GK5: variants seen among roughly 807,000 people sequenced by gnomAD.
GK5 encodes the protein ATP:glycerol 3-phosphotransferase 5.
Under a neutral mutation model 77.3 loss-of-function variants are expected in GK5, and 39 were observed. The observed-to-expected ratio is 0.50, with a 90% CI of 0.39 to 0.66. GK5 has a LOEUF of 0.66. GK5 is among the 30% of genes least tolerant of loss of function. The probability of loss-of-function intolerance (pLI) is 0.00; values close to 1 mark genes in which losing one functional copy is unlikely to be tolerated. For synonymous variants in GK5, 211 were observed against 208.0 expected, an observed-to-expected ratio of 1.01 and a Z score of -0.13; for missense variants, 487 against 633.8, an observed-to-expected ratio of 0.77 and a Z score of 2.49.
At chr3:142,198,217 C>T (rs1249228211) in intron 5 of GK5, among the ~76,000 whole-genome samples, 1 of 151,996 alleles carries the variant, frequency 6.6e-6, no homozygotes, top group African/African-American at 2.4e-5. Flanking sequence ...CAGCAAATAG[C>T]AATGAAAATA....
chr3:142,185,538 T>A (rs2063757003), intron 9 of GK5: 1 of 1,025,776 alleles, frequency 9.7e-7, no homozygotes, highest in African/African-American at 1.7e-5. Context: ...TAAGTTGCCC[T>A]AACACTGTTT....
intron 3 of GK5, among the ~76,000 whole-genome samples, chr3:142,210,066 A>T (rs2064171349): frequency 6.6e-6 from 1 of 152,182 alleles, no homozygotes; most frequent in African/African-American, 2.4e-5. Context: ...TTGGAAAAAA[A>T]GCTTAACCTG....
At chr3:142,195,054 C>T (rs889746431) in intron 5 of GK5, among the ~76,000 whole-genome samples, 3 of 151,630 alleles carry the variant, frequency 2.0e-5, no homozygotes, top group Non-Finnish European at 2.9e-5. Flanking sequence ...ATTCCTAGTA[C>T]GTTGAGCATT....
intron 5 of GK5, among the ~76,000 whole-genome samples, chr3:142,197,984 T>A (rs1252380469): frequency 6.7e-6 from 1 of 150,268 alleles, no homozygotes. Context: ...GATCGCACAT[T>A]GCACTCCAGC....
intron 9 of GK5, chr3:142,183,381 A>C (rs963802291): frequency 6.0e-6 from 1 of 165,510 alleles, no homozygotes; most frequent in South Asian, 1.7e-4. Flanking sequence ...GCAGCCTCAA[A>C]CTTCTGGACT....
intron 1 of GK5, 55 bp downstream of exon 1, chr3:142,225,254 C>A: frequency 6.8e-7 from 1 of 1,475,836 alleles, no homozygotes. Flanking sequence ...AGGCCGGACC[C>A]CGGGACTCAG....
chr3:142,183,803 T>C (rs1249112362), intron 9 of GK5, among the ~76,000 whole-genome samples: 1 of 151,872 alleles, frequency 6.6e-6, no homozygotes, highest in Non-Finnish European at 1.5e-5. Context: ...TTCACTCTAT[T>C]ACCCAGGCTA....
chr3:142,177,746 G>A lies in GK5; in HGVS notation c.1049-170C>T, dbSNP rs145149756. Reference sequence around the variant, plus strand: ...TCAGCACAAAGACCATTCTGTTCTGGTACTATCTGAATTCTCACACTGCAT... The same window carrying A: ...TCAGCACAAAGACCATTCTGTTCTGATACTATCTGAATTCTCACACTGCAT... On this transcript the variant is annotated intron_variant, in intron 11 of 15. Transcript: ENST00000392993. 2.5e-5 allele frequency: 14 copies of A among 553,018 alleles called. No homozygotes were observed. The South Asian group carries it at 2.9e-4, about 12-fold the overall frequency. The allele number at this position is 553,018 out of a possible 1,614,324, so 34.3% of individuals were successfully genotyped here.
At chr3:142,169,410 AGAT>A (rs1355730258) in intron 15 of GK5, among the ~76,000 whole-genome samples, 1 of 152,192 alleles carries the variant, frequency 6.6e-6, no homozygotes, top group African/African-American at 2.4e-5. Flanking sequence ...AGTATCCTCC[AGAT>A]GATATCTGAT....
chr3:142,200,727 G>A (rs904011204), intron 4 of GK5, among the ~76,000 whole-genome samples: 1 of 152,138 alleles, frequency 6.6e-6, no homozygotes, highest in African/African-American at 2.4e-5. Context: ...AATATTACAA[G>A]CTCTAATAAC....
In GK5 at chr3:142,158,333, C is replaced by T. The variant is rs181197944; in HGVS notation, c.*7289G>A. On this transcript the variant is annotated 3_prime_UTR_variant, in exon 16 of 16. Transcript: ENST00000392993. ...GCTCAAGTGATTCTCCAGCCTCAGC[C>T]TCCTGAGTAGCTGGGAATAGAAGAG... 6.6e-6 allele frequency: 1 copy of T among 152,258 alleles called. No individual in the cohort carries two copies. The highest frequency in any genetic ancestry group is 6.5e-5 in the Admixed American group (1 of 15,292). 9.4% of individuals were successfully genotyped at this position (152,258 alleles called of 1,614,324 possible).
rs534956582 is a variant in GK5 at position 142,209,097 on chromosome 3, C to A, written c.318-4309G>T. 1.1e-4 allele frequency among the ~76,000 whole-genome samples: 16 copies of A among 151,548 alleles called. No homozygotes were observed. The South Asian group carries it at 3.1e-3, about 30-fold the overall frequency. On this transcript the variant is annotated intron_variant, in intron 3 of 15. Transcript: ENST00000392993. ...TCGGGAGGCAGAGCTTGCAGTGAGC[C>A]GAGATAGCACCACTGCACTCCAGCC...
intron 15 of GK5, among the ~76,000 whole-genome samples, chr3:142,168,325 G>A (rs1433023958): frequency 6.6e-6 from 1 of 152,258 alleles, no homozygotes; most frequent in East Asian, 1.9e-4. Context: ...GGAATATGAA[G>A]GAGTTCAAAT....
At chr3:142,174,178 A>G (rs2063578254) in intron 12 of GK5, among the ~76,000 whole-genome samples, 7 of 152,168 alleles carry the variant, frequency 4.6e-5, no homozygotes, top group Admixed American at 4.6e-4. Context: ...TGTGCCTAGC[A>G]CTATATCTGG....
At position 142,161,982 on chromosome 3, in the gene GK5, T is replaced by A. The variant is rs2063428902; in HGVS notation, c.*3640A>T. Reference sequence around the variant, plus strand: ...ACCCAGCTAATTTGTGTATTTTTTGTAGAGATAGGGATTCGCCAGGTTGCC... The same window carrying A: ...ACCCAGCTAATTTGTGTATTTTTTGAAGAGATAGGGATTCGCCAGGTTGCC... On this transcript the variant is annotated 3_prime_UTR_variant, in exon 16 of 16. Transcript: ENST00000392993. 1 of 152,290 alleles carries A rather than the reference T, an allele frequency of 6.6e-6. No individual in the cohort carries two copies. Among genetic ancestry groups the A allele is most frequent in the African/African-American group, 2.4e-5 (1 of 41,536 alleles). The allele number at this position is 152,290 out of a possible 1,614,324, so 9.4% of individuals were successfully genotyped here.
intron 9 of GK5, chr3:142,185,698 A>T: frequency 1.4e-6 from 2 of 1,428,626 alleles, no homozygotes; most frequent in Non-Finnish European, 1.8e-6. Context: ...AGCAAGTCAG[A>T]AAAGGTTATA....
intron 12 of GK5, among the ~76,000 whole-genome samples, chr3:142,176,827 A>G (rs2063619967): frequency 6.6e-6 from 1 of 151,952 alleles, no homozygotes; most frequent in African/African-American, 2.4e-5. Flanking sequence ...ATGCATGGCT[A>G]ATTTTTTGCA....
In GK5 at chr3:142,165,745, T is replaced by C. The variant is rs768441965; in HGVS notation, c.1467A>G (p.Leu489=). The C allele has an allele frequency of 2.5e-6, 4 of 1,612,464 alleles. No individual in the cohort carries two copies. Among genetic ancestry groups the C allele is most frequent in the Non-Finnish European group, 3.4e-6 (4 of 1,179,212 alleles). The change falls in exon 16 of 16, where the codon CTA becomes CTG. Residue 489 remains leucine, a synonymous_variant. Transcript: ENST00000392993. ...AVGFWTDKEE[L]KKLRQSEVVF... Reference sequence around the variant, plus strand: ...CCACTTCACTTTGTCTCAGTTTCTTTAGTTCCTCCTTGTCAGTCCAAAACC... The same window carrying C: ...CCACTTCACTTTGTCTCAGTTTCTTCAGTTCCTCCTTGTCAGTCCAAAACC...
At chr3:142,175,233 C>T (rs940720687) in intron 12 of GK5, among the ~76,000 whole-genome samples, 3 of 152,204 alleles carry the variant, frequency 2.0e-5, no homozygotes, top group Admixed American at 6.5e-5. Flanking sequence ...ACTCCCCAAA[C>T]CACGAGCCCT....
Sources: gnomAD v4.1 joint callset for allele counts (sites outside exome capture counted in the v4.1 genomes callset) on GRCh38, gnomAD v4.1.1 for gene constraint, MANE v1.5 for transcripts, NCBI Gene and HGNC (gene_info 2026-07-23, HGNC 2026-07-21) for gene names.